MIB1: variants seen among roughly 807,000 people sequenced by gnomAD.
The protein encoded by MIB1 is MIB E3 ubiquitin protein ligase 1.
Under a neutral mutation model 124.5 loss-of-function variants are expected in MIB1, and 278 were observed. The ratio of observed to expected loss-of-function variants is 2.23; its 90% confidence interval spans 2.02 to 2.47. MIB1 has a LOEUF of 2.47. Among genes scored for constraint, MIB1 ranks in the 30% most tolerant of loss-of-function variants. The probability of loss-of-function intolerance (pLI) is 0.00; values close to 1 mark genes in which losing one functional copy is unlikely to be tolerated. For synonymous variants in MIB1, 446 were observed against 429.4 expected (o/e 1.04, Z -0.48); for missense variants, 957 against 1,254.4 (o/e 0.76, Z 3.58).
chr18:21,753,116 G>C (rs1182121103), intron 1 of MIB1, among the ~76,000 whole-genome samples: 1 of 152,086 alleles, frequency 6.6e-6, no homozygotes, highest in Non-Finnish European at 1.5e-5. Flanking sequence ...TGTAGAAAAA[G>C]GATGAGTAGA....
intron 1 of MIB1, among the ~76,000 whole-genome samples, chr18:21,731,718 C>T (rs1009826957): frequency 3.4e-5 from 4 of 119,180 alleles, no homozygotes; most frequent in Admixed American, 1.1e-4. Flanking sequence ...GGCAACAGAG[C>T]GAAACCCCGT....
chr18:21,807,196 T>C (rs1226844960), intron 10 of MIB1, among the ~76,000 whole-genome samples: 2 of 152,180 alleles, frequency 1.3e-5, no homozygotes, highest in South Asian at 2.1e-4. Context: ...TTTGGGAGGC[T>C]GAGGTGGATG....
At chr18:21,858,941 A>G (rs1052524978) in intron 20 of MIB1, among the ~76,000 whole-genome samples, 2 of 152,228 alleles carry the variant, frequency 1.3e-5, no homozygotes, top group African/African-American at 4.8e-5. Context: ...AAAATGTTAA[A>G]GACTGTCAGT....
In MIB1 at chr18:21,869,111, G is replaced by T. The variant is rs1372290476; in HGVS notation, c.*4445G>T. ...AATTTAAGCAGTAGGTACAGGAGAA[G>T]TGACTTGTCACATTAATTTGGTGCC... On this transcript the variant is annotated 3_prime_UTR_variant, in exon 21 of 21. Coordinates refer to ENST00000261537, the MANE Select transcript of MIB1 (RefSeq NM_020774.4). The T allele has an allele frequency of 6.6e-6, 1 of 152,462 alleles. No individual in the cohort carries two copies. Among genetic ancestry groups the T allele is most frequent in the Non-Finnish European group, 1.5e-5 (1 of 67,896 alleles). The allele number at this position is 152,462 out of a possible 1,614,324, so 9.4% of individuals were successfully genotyped here.
chr18:21,793,985 C>T (rs1404651041), intron 7 of MIB1: 1 of 124,686 alleles, frequency 8.0e-6, no homozygotes, highest in African/African-American at 4.3e-5. Flanking sequence ...GATGTCTGCA[C>T]TAAGTTCGGC....
intron 15 of MIB1, among the ~76,000 whole-genome samples, chr18:21,844,854 AT>A (rs2042122052): frequency 6.6e-6 from 1 of 152,100 alleles, no homozygotes; most frequent in African/African-American, 2.4e-5. Flanking sequence ...CACCATATGT[AT>A]TTTATGAAGT....
intron 13 of MIB1, among the ~76,000 whole-genome samples, chr18:21,841,136 C>T (rs2042085231): frequency 2.6e-5 from 4 of 152,016 alleles, no homozygotes; most frequent in Non-Finnish European, 4.4e-5. Flanking sequence ...GAGGCTGAGA[C>T]GGGTAGATCA....
chr18:21,748,730 C>CT (rs557338460), intron 1 of MIB1, among the ~76,000 whole-genome samples: 5,029 of 107,028 alleles, frequency 0.047, 170 homozygotes, highest in African/African-American at 0.066. Flanking sequence ...CATGCCCAGC[C>CT]TTTTTTTTTT....
At chr18:21,835,801 C>CCACACACACACA (rs774725850) in intron 12 of MIB1, among the ~76,000 whole-genome samples, 5 of 101,586 alleles carry the variant, frequency 4.9e-5, no homozygotes, top group East Asian at 5.8e-4. Flanking sequence ...ATATATATAT[C>CCACACACACACA]CACACACACA....
intron 9 of MIB1, 123 bp from the exon 10 acceptor site, chr18:21,803,784 C>T (rs2041675265): frequency 1.6e-6 from 1 of 640,126 alleles, no homozygotes; most frequent in Non-Finnish European, 2.6e-6. Context: ...ATATATGGAA[C>T]ACCAACCTAA....
intron 4 of MIB1, among the ~76,000 whole-genome samples, chr18:21,776,102 A>G (rs2041281899): frequency 6.6e-6 from 1 of 152,040 alleles, no homozygotes; most frequent in Admixed American, 6.5e-5. Flanking sequence ...CCACATCTCT[A>G]CAAACAATAA....
At chr18:21,803,518 C>T (rs2041671979) in intron 9 of MIB1, among the ~76,000 whole-genome samples, 1 of 152,170 alleles carries the variant, frequency 6.6e-6, no homozygotes, top group Non-Finnish European at 1.5e-5. Context: ...TTATCCCTAG[C>T]AGCTAATATC....
At chr18:21,845,338 A>G (rs1435160934) in intron 15 of MIB1, among the ~76,000 whole-genome samples, 1 of 152,058 alleles carries the variant, frequency 6.6e-6, no homozygotes, top group Non-Finnish European at 1.5e-5. Context: ...GTGATTTGGA[A>G]GAGTCAAATT....
intron 1 of MIB1, among the ~76,000 whole-genome samples, chr18:21,710,468 G>A (rs1196835966): frequency 6.6e-6 from 1 of 151,938 alleles, no homozygotes; most frequent in East Asian, 1.9e-4. Context: ...ATCAATTTTT[G>A]CCCAGGTGCA....
At chr18:21,735,807 A>T (rs759031461), upstream of MIB1, among the ~76,000 whole-genome samples, 2 of 152,342 alleles carry the variant, frequency 1.3e-5, no homozygotes, top group Non-Finnish European at 1.5e-5. Flanking sequence ...ATGACACTGC[A>T]GCCAGACTGC....
chr18:21,756,203 G>C (rs938356332), intron 1 of MIB1, among the ~76,000 whole-genome samples: 1 of 152,042 alleles, frequency 6.6e-6, no homozygotes. Context: ...ACTTTATCTC[G>C]TTGTTTGTTA....
At chr18:21,743,572 G>T (rs2040880355) in intron 1 of MIB1, among the ~76,000 whole-genome samples, 1 of 151,808 alleles carries the variant, frequency 6.6e-6, no homozygotes, top group African/African-American at 2.4e-5. Context: ...TTTTGAAGAC[G>T]TTTTGTGAGT....
At chr18:21,725,998 G>GTT (rs1353992084) in intron 1 of MIB1, among the ~76,000 whole-genome samples, 1 of 152,190 alleles carries the variant, frequency 6.6e-6, no homozygotes, top group Non-Finnish European at 1.5e-5. Context: ...CAAACAGTTT[G>GTT]TTTTCAAGTG....
At chr18:21,712,253 CA>C (rs2040669112) in intron 1 of MIB1, 1 of 152,240 alleles carries the variant, frequency 6.6e-6, no homozygotes, top group African/African-American at 2.4e-5. Flanking sequence ...ATTTGTATTT[CA>C]AAGGAGAAAT....
Sources: allele counts gnomAD v4.1 joint callset (sites outside exome capture counted in the v4.1 genomes callset), GRCh38; gene constraint gnomAD v4.1.1; transcripts MANE v1.5; gene names NCBI Gene and HGNC (gene_info 2026-07-23, HGNC 2026-07-21).